The following BACH2 variants were observed in gnomAD, a reference collection of about 807,000 sequenced individuals.
BACH2 encodes the protein BACH transcriptional regulator 2.
Under a neutral mutation model 61.8 loss-of-function variants are expected in BACH2, and 5 were observed. That is an observed-to-expected ratio of 0.08 (90% CI 0.04 to 0.17). The LOEUF (loss-of-function observed/expected upper bound fraction) is 0.17. BACH2 is among the 10% of genes least tolerant of loss of function. BACH2 has a pLI of 1.00. For synonymous variants in BACH2, 446 were observed against 440.1 expected (o/e 1.01, Z -0.17); for missense variants, 824 against 1,091.1 (o/e 0.76, Z 3.45).
rs1770325881 is a variant in BACH2, at chr6:90,238,312, AG to A, written c.-275+14200del. Among the ~76,000 whole-genome samples, 9 of 152,360 alleles carry A rather than the reference AG, an allele frequency of 5.9e-5. 1 individual carries two copies. In the South Asian group the frequency reaches 1.9e-3, roughly 32 times the overall value. ...AATTATGGGAAGACACACACTGGCT[AG>A]ACATATTTCGATAGTGGTTACCATA... On this transcript the variant is annotated intron_variant, in intron 3 of 8. Coordinates refer to ENST00000257749, the MANE Select transcript of BACH2 (RefSeq NM_021813.4).
chr6:90,194,229 A>G (rs149022892), intron 4 of BACH2, among the ~76,000 whole-genome samples: 4 of 152,312 alleles, frequency 2.6e-5, no homozygotes, highest in South Asian at 2.1e-4. Flanking sequence ...CACTAGGTAC[A>G]GAATACCTTC....
chr6:90,214,352 C>T (rs953748473), intron 3 of BACH2, among the ~76,000 whole-genome samples: 12 of 142,698 alleles, frequency 8.4e-5, no homozygotes, highest in Admixed American at 4.1e-4. Flanking sequence ...TCTCCCTTGG[C>T]GGGGCGGGGG....
chr6:90,114,920 C>T (rs1457331809), intron 4 of BACH2, among the ~76,000 whole-genome samples: 1 of 151,946 alleles, frequency 6.6e-6, no homozygotes, highest in East Asian at 1.9e-4. Flanking sequence ...TTCATAATTG[C>T]TACACACACA....
At chr6:90,097,975 T>C (rs1782448275) in intron 4 of BACH2, among the ~76,000 whole-genome samples, 1 of 152,218 alleles carries the variant, frequency 6.6e-6, no homozygotes, top group Non-Finnish European at 1.5e-5. Context: ...TGAGACACCA[T>C]GTGAAAAGGC....
chr6:90,244,303 T>G (rs1770559033), intron 3 of BACH2, among the ~76,000 whole-genome samples: 2 of 152,246 alleles, frequency 1.3e-5, no homozygotes, highest in South Asian at 4.1e-4. Context: ...AAATACTTAC[T>G]ATGTACCAGA....
intron 2 of BACH2, among the ~76,000 whole-genome samples, chr6:90,257,067 T>C (rs974922286): frequency 3.9e-5 from 6 of 152,248 alleles, no homozygotes; most frequent in African/African-American, 9.6e-5. Context: ...CTGAATAATA[T>C]TCATTTTGTA....
At chr6:90,116,757 T>A in intron 4 of BACH2, 1 of 446,442 alleles carries the variant, frequency 2.2e-6, no homozygotes, top group Non-Finnish European at 4.2e-6. Context: ...TAAGTCTTCT[T>A]GGTTAAGTAA....
intron 4 of BACH2, among the ~76,000 whole-genome samples, chr6:90,193,418 A>T (rs144895835): frequency 7.4e-4 from 112 of 152,270 alleles, no homozygotes; most frequent in African/African-American, 2.6e-3. Flanking sequence ...GACCTTCTAC[A>T]AGCCAAGGAG....
chr6:90,260,223 C>T (rs1463451297), intron 2 of BACH2, among the ~76,000 whole-genome samples: 1 of 152,148 alleles, frequency 6.6e-6, no homozygotes, highest in East Asian at 1.9e-4. Context: ...TCTCCTATAT[C>T]CCATCAGTTC....
chr6:90,239,903 A>G (rs977218183), intron 3 of BACH2, among the ~76,000 whole-genome samples: 8 of 152,128 alleles, frequency 5.3e-5, no homozygotes, highest in Admixed American at 5.2e-4. Context: ...AACCACATAC[A>G]AGAATTAGCC....
intron 8 of BACH2, among the ~76,000 whole-genome samples, chr6:89,937,420 G>T (rs1352438500): frequency 6.6e-6 from 1 of 152,208 alleles, no homozygotes. Flanking sequence ...TGTAAATGGG[G>T]ATAAAGGAGT....
intron 1 of BACH2, among the ~76,000 whole-genome samples, chr6:90,287,379 CTTTT>C (rs1033417329): frequency 1.3e-5 from 2 of 151,358 alleles, no homozygotes; most frequent in African/African-American, 4.9e-5. Flanking sequence ...GGATCCGCTG[CTTTT>C]TTTTTCTTCT....
intron 6 of BACH2, among the ~76,000 whole-genome samples, chr6:89,990,371 C>T (rs1434271765): frequency 6.6e-6 from 1 of 152,182 alleles, no homozygotes; most frequent in African/African-American, 2.4e-5. Flanking sequence ...AAATTCTCAA[C>T]AGAACTTTAA....
At chr6:90,220,567 T>C (rs1326739040) in intron 3 of BACH2, among the ~76,000 whole-genome samples, 1 of 152,232 alleles carries the variant, frequency 6.6e-6, no homozygotes, top group Non-Finnish European at 1.5e-5. Context: ...CTCATTTCCA[T>C]GATCTGAAAT....
intron 4 of BACH2, chr6:90,116,872 C>T (rs1442695944): frequency 3.3e-6 from 2 of 615,360 alleles, no homozygotes; most frequent in East Asian, 1.0e-4. Context: ...TTGATAGATG[C>T]CTCCAGGACC....
rs185866638 is a variant in BACH2 at position 90,128,308 on chromosome 6, C to T, written c.-161-39199G>A. 4.3e-4 allele frequency among the ~76,000 whole-genome samples: 65 copies of T among 152,212 alleles called. 1 individual carries two copies. Among genetic ancestry groups the T allele is most frequent in the Admixed American group, 1.2e-3 (19 of 15,298 alleles). ...TGGTGGTAAGAGTCTATAGGCCAGG[C>T]GCCGTGGCTCATGCCTGTAATCCCA... On this transcript the variant is annotated intron_variant, in intron 4 of 8. Transcript: ENST00000257749.
At chr6:90,043,470 C>T (rs1779637811) in intron 5 of BACH2, among the ~76,000 whole-genome samples, 1 of 151,906 alleles carries the variant, frequency 6.6e-6, no homozygotes, top group Non-Finnish European at 1.5e-5. Context: ...TCCCCCTTTC[C>T]TTTCCTTTCT....
At chr6:90,146,094 T>G (rs771441125) in intron 4 of BACH2, among the ~76,000 whole-genome samples, 2 of 152,262 alleles carry the variant, frequency 1.3e-5, no homozygotes, top group Non-Finnish European at 2.9e-5. Context: ...TCTGAAGATG[T>G]GAAAGATGAA....
At chr6:90,100,426 A>G (rs1782565046) in intron 4 of BACH2, among the ~76,000 whole-genome samples, 1 of 152,174 alleles carries the variant, frequency 6.6e-6, no homozygotes, top group Admixed American at 6.5e-5. Flanking sequence ...TAACATTTAC[A>G]TCAGTAGTCT....
Sources: gnomAD v4.1 joint callset for allele counts (sites outside exome capture counted in the v4.1 genomes callset) on GRCh38, gnomAD v4.1.1 for gene constraint, MANE v1.5 for transcripts, NCBI Gene and HGNC (gene_info 2026-07-23, HGNC 2026-07-21) for gene names.